Variants in PAPPA2 observed in about 807,000 individuals in gnomAD.
PAPPA2 encodes pappalysin-2.
PAPPA2 carries 86 observed loss-of-function variants against 176.4 expected under a neutral mutation model. That is an observed-to-expected ratio of 0.49 (90% confidence interval 0.41 to 0.58). PAPPA2 has a LOEUF of 0.58. PAPPA2 is among the 20% of genes least tolerant of loss of function. PAPPA2 has a pLI of 0.00. For synonymous variants in PAPPA2, 809 were observed against 852.2 expected (o/e 0.95, Z 0.88); for missense variants, 2,073 against 2,256.9 (o/e 0.92, Z 1.65).
At chr1:176,762,251 CTTT>C (rs71565480) in intron 14 of PAPPA2, among the ~76,000 whole-genome samples, 6 of 137,482 alleles carry the variant, frequency 4.4e-5, no homozygotes, top group Non-Finnish European at 6.3e-5. Context: ...GGGTTTGGTC[CTTT>C]TTTTTTTTTT....
intron 1 of PAPPA2, among the ~76,000 whole-genome samples, chr1:176,541,197 T>C (rs1397381623): frequency 6.6e-6 from 1 of 152,212 alleles, no homozygotes; most frequent in African/African-American, 2.4e-5. Flanking sequence ...CTAACCACTA[T>C]TGAGGAGCAT....
At chr1:176,652,896 G>A (rs1487477592) in intron 3 of PAPPA2, among the ~76,000 whole-genome samples, 1 of 151,680 alleles carries the variant, frequency 6.6e-6, no homozygotes, top group Admixed American at 6.6e-5. Context: ...TCACTTCTCT[G>A]CGACCCTGAG....
intron 12 of PAPPA2, among the ~76,000 whole-genome samples, chr1:176,734,878 T>G (rs1662326566): frequency 6.6e-6 from 1 of 152,174 alleles, no homozygotes; most frequent in Admixed American, 6.5e-5. Flanking sequence ...GTCAGCCCCC[T>G]TAAAATTGTG....
intron 14 of PAPPA2, 59 bp downstream of exon 14, chr1:176,740,255 A>G (rs1467272844): frequency 6.7e-7 from 1 of 1,490,488 alleles, no homozygotes; most frequent in Non-Finnish European, 9.2e-7. Flanking sequence ...TGATTGGCTC[A>G]CATTTACATA....
chr1:176,518,464 A>C (rs541101390), intron 1 of PAPPA2, among the ~76,000 whole-genome samples: 18 of 152,120 alleles, frequency 1.2e-4, no homozygotes, highest in Admixed American at 3.9e-4. Context: ...AAAAAAAAAA[A>C]AAAAACAAAC....
chr1:176,600,149 G>A (rs1380640131), intron 3 of PAPPA2, among the ~76,000 whole-genome samples: 1 of 152,208 alleles, frequency 6.6e-6, no homozygotes, highest in Non-Finnish European at 1.5e-5. Context: ...AAGGGCTAAC[G>A]ATTTGGAGGA....
intron 14 of PAPPA2, among the ~76,000 whole-genome samples, chr1:176,753,985 C>T (rs917521098): frequency 4.7e-5 from 7 of 148,984 alleles, no homozygotes; most frequent in Admixed American, 1.3e-4. Flanking sequence ...CAGCTTTGGG[C>T]GGCACAGTGA....
At chr1:176,506,433 T>G (rs1327355842) in intron 1 of PAPPA2, among the ~76,000 whole-genome samples, 3 of 152,138 alleles carry the variant, frequency 2.0e-5, no homozygotes, top group Non-Finnish European at 2.9e-5. Context: ...ATCCGTAAAT[T>G]GCTATGGGCA....
intron 1 of PAPPA2, among the ~76,000 whole-genome samples, chr1:176,479,734 A>G (rs2102476973): frequency 6.6e-6 from 1 of 152,320 alleles, no homozygotes. Context: ...TGAAGCTTCT[A>G]TAGAAAAAGT....
At chr1:176,588,007 G>C (rs1020915628) in intron 2 of PAPPA2, among the ~76,000 whole-genome samples, 3 of 152,184 alleles carry the variant, frequency 2.0e-5, no homozygotes, top group African/African-American at 7.2e-5. Context: ...TGGGCCGTAT[G>C]GCCATTTTCA....
chr1:176,573,512 T>G (rs963688000), intron 2 of PAPPA2, among the ~76,000 whole-genome samples: 2 of 152,190 alleles, frequency 1.3e-5, no homozygotes, highest in African/African-American at 4.8e-5. Flanking sequence ...TCCTTGAAGG[T>G]TATTAAAAAT....
At chr1:176,739,007 A>G (rs995059551) in intron 12 of PAPPA2, among the ~76,000 whole-genome samples, 5 of 152,096 alleles carry the variant, frequency 3.3e-5, no homozygotes, top group African/African-American at 1.2e-4. Flanking sequence ...GGGACTGGGT[A>G]TACATGCTTG....
chr1:176,626,049 A>G (rs1478308142), intron 3 of PAPPA2, among the ~76,000 whole-genome samples: 1 of 152,168 alleles, frequency 6.6e-6, no homozygotes, highest in Non-Finnish European at 1.5e-5. Flanking sequence ...AATTAAAAAA[A>G]AATTACAAAA....
intron 1 of PAPPA2, among the ~76,000 whole-genome samples, chr1:176,517,163 C>G (rs1036412139): frequency 1.3e-5 from 2 of 152,146 alleles, no homozygotes; most frequent in Non-Finnish European, 2.9e-5. Context: ...CATTAAAAAG[C>G]CAGCACTGCA....
chr1:176,761,720 G>T (rs1435948844), intron 14 of PAPPA2, among the ~76,000 whole-genome samples: 2 of 152,142 alleles, frequency 1.3e-5, no homozygotes, highest in Admixed American at 6.5e-5. Flanking sequence ...GAGAGTGAGG[G>T]CTCTGAGATC....
intron 3 of PAPPA2, among the ~76,000 whole-genome samples, chr1:176,636,588 TC>T (rs1656712568): frequency 6.6e-6 from 1 of 152,134 alleles, no homozygotes; most frequent in Non-Finnish European, 1.5e-5. Context: ...AACTTTTTTT[TC>T]CCATCACAAA....
At chr1:176,655,494 T>C (rs1204424084) in intron 3 of PAPPA2, among the ~76,000 whole-genome samples, 1 of 151,820 alleles carries the variant, frequency 6.6e-6, no homozygotes, top group Non-Finnish European at 1.5e-5. Flanking sequence ...TCAGAAGATA[T>C]ATAAATGGCC....
rs754335259 is a variant in PAPPA2 at position 176,800,079 on chromosome 1, C to T, written c.5149C>T (p.Arg1717Trp). The T allele has an allele frequency of 2.5e-5, 40 of 1,613,882 alleles. No homozygotes were observed. Among genetic ancestry groups the T allele is most frequent in the South Asian group, 1.2e-4 (11 of 91,080 alleles). Residue 1717 changes from arginine to tryptophan, a missense_variant, in exon 21 of 23, where the codon CGG becomes TGG. By Grantham distance (101) the Arg-to-Trp change is moderately radical. Around this residue, in one of 4 missense-constraint regions of PAPPA2, gnomAD observed 846 missense variants for 857.9 expected, o/e 0.99. Coordinates refer to ENST00000367662, the MANE Select transcript of PAPPA2 (RefSeq NM_020318.3). ...VKVQSIVCTG[R>W]RQWHPDPVLV... ...CCCTTAGAGCATTGTGTGCACTGGC[C>T]GGCGTCAATGGCACCCAGACCCCGT...
chr1:176,661,821 G>A (rs550004256), intron 3 of PAPPA2, among the ~76,000 whole-genome samples: 1 of 152,210 alleles, frequency 6.6e-6, no homozygotes, highest in East Asian at 1.9e-4. Context: ...AGACCAGAAG[G>A]AAGGTGGAAT....
Sources: allele counts gnomAD v4.1 joint callset (sites outside exome capture counted in the v4.1 genomes callset), GRCh38; gene constraint gnomAD v4.1.1; regional missense constraint gnomAD v4.1.1; transcripts MANE v1.5; gene names NCBI Gene and HGNC (gene_info 2026-07-23, HGNC 2026-07-21).